PPHLN1: variants seen among roughly 807,000 people sequenced by gnomAD.
PPHLN1 encodes periphilin 1.
In PPHLN1, 29 loss-of-function variants were observed where a neutral mutation model predicts 51.3. The ratio of observed to expected loss-of-function variants is 0.57; its 90% confidence interval spans 0.42 to 0.77. PPHLN1 has a LOEUF of 0.77. PPHLN1 is among the 30% of genes least tolerant of loss of function. The pLI is 0.00. For missense variants in PPHLN1, 436 were observed against 438.4 expected, an observed-to-expected ratio of 0.99 and a Z score of 0.05; for synonymous variants, 147 against 147.8, an observed-to-expected ratio of 0.99 and a Z score of 0.04.
At chr12:42,383,128 T>C (rs544289359) in intron 5 of PPHLN1, among the ~76,000 whole-genome samples, 12 of 152,346 alleles carry the variant, frequency 7.9e-5, no homozygotes, top group African/African-American at 2.9e-4. Context: ...AATCTGTAAT[T>C]ATATGTGGTA....
intron 9 of PPHLN1, chr12:42,432,420 C>T: frequency 4.0e-6 from 3 of 756,138 alleles, no homozygotes. Context: ...TCTTTAGTGC[C>T]AACAAATACA....
Position 42,352,110 on chromosome 12 carries a change from T to G in PPHLN1, c.237+61T>G, listed in dbSNP as rs867669948. 13 of 1,331,552 alleles carry G rather than the reference T, an allele frequency of 9.8e-6. No homozygotes were observed. The Middle Eastern group carries it at 2.2e-3, about 222-fold the overall frequency. 82.5% of individuals were successfully genotyped at this position (1,331,552 alleles called of 1,614,324 possible). ...CTTATAAGTTTAAAATTAATGTAAT[T>G]TAAAAATTTATGTGACGGCCGTGAA... On this transcript the variant is annotated intron_variant, in intron 3 of 9. Coordinates refer to ENST00000358314, the MANE Select transcript of PPHLN1 (RefSeq NM_201439.2).
chr12:42,333,718 G>A (rs1022541327), intron 1 of PPHLN1, among the ~76,000 whole-genome samples: 7 of 152,076 alleles, frequency 4.6e-5, no homozygotes, highest in African/African-American at 1.7e-4. Flanking sequence ...TCCTGACCTC[G>A]TGATCCGCCC....
intron 3 of PPHLN1, 80 bp downstream of exon 3, chr12:42,352,129 C>T (rs2073441769): frequency 8.0e-7 from 1 of 1,253,726 alleles, no homozygotes; most frequent in Non-Finnish European, 1.0e-6. Flanking sequence ...TATGTGACGG[C>T]CGTGAAAGCA....
chr12:42,332,949 AAC>A (rs1185084539), intron 1 of PPHLN1, among the ~76,000 whole-genome samples: 1 of 152,174 alleles, frequency 6.6e-6, no homozygotes. Flanking sequence ...GAACTTTAAA[AAC>A]AGTTACATAC....
downstream of PPHLN1, chr12:42,446,266 T>G: frequency 6.2e-7 from 1 of 1,601,700 alleles, no homozygotes. Flanking sequence ...CTATGCTCTC[T>G]GTTGTACATT....
intron 7 of PPHLN1, among the ~76,000 whole-genome samples, chr12:42,388,928 C>T (rs1230603605): frequency 6.6e-6 from 1 of 151,912 alleles, no homozygotes. Flanking sequence ...GGTGACAGAG[C>T]AAGATGCTGT....
Position 42,405,221 on chromosome 12 carries a change from C to T in PPHLN1, c.909+6227C>T, listed in dbSNP as rs552573756. ...TCCTTTTCCTAAAGCATAAGTTGTT[C>T]TCATACTTTCCCCTTCATCTGTCAT... On this transcript the variant is annotated intron_variant, in intron 9 of 9. Transcript: ENST00000358314. 1.8e-4 allele frequency among the ~76,000 whole-genome samples: 27 copies of T among 152,256 alleles called. No homozygotes were observed. The South Asian group carries it at 3.7e-3, about 21-fold the overall frequency.
intron 9 of PPHLN1, among the ~76,000 whole-genome samples, chr12:42,408,826 T>C (rs2079546953): frequency 6.6e-6 from 1 of 152,226 alleles, no homozygotes; most frequent in African/African-American, 2.4e-5. Context: ...GTTAAGTAAC[T>C]GATAAGTCAC....
intron 4 of PPHLN1, 39 bp downstream of exon 4, chr12:42,355,261 T>TTA (rs2073900260): frequency 1.3e-6 from 2 of 1,536,868 alleles, no homozygotes. Context: ...ACTTTGATAC[T>TTA]TGACTCACTG....
At chr12:42,366,535 T>G (rs537312019) in intron 4 of PPHLN1, among the ~76,000 whole-genome samples, 13 of 151,826 alleles carry the variant, frequency 8.6e-5, no homozygotes, top group East Asian at 7.8e-4. Context: ...TTTCTTGTTT[T>G]TTTTTGTTTT....
At chr12:42,334,160 T>A (rs1181239224) in intron 1 of PPHLN1, among the ~76,000 whole-genome samples, 1 of 152,172 alleles carries the variant, frequency 6.6e-6, no homozygotes, top group Non-Finnish European at 1.5e-5. Flanking sequence ...ACAATTTACT[T>A]CCCTTTCAAG....
Position 42,374,985 on chromosome 12 carries a change from C to T in PPHLN1, c.422C>T (p.Pro141Leu), listed in dbSNP as rs2138771967. 1.9e-6 allele frequency: 3 copies of T among 1,613,942 alleles called. No individual in the cohort carries two copies. Among genetic ancestry groups the T allele is most frequent in the Admixed American group, 1.7e-5 (1 of 60,012 alleles). ...RESPVGRKDS[P>L]HSRSGSSVSS... ...TCACCTGTTGGCCGAAAGGATTCTC[C>T]ACACAGCAGATCTGGTTCCAGTGTC... The change falls in exon 5 of 10, where the codon CCA becomes CTA. Residue 141 changes from proline (P) to leucine (L), a missense_variant. By Grantham distance (98) the Pro-to-Leu change is moderately conservative (BLOSUM62 -3). Coordinates refer to ENST00000358314, the MANE Select transcript of PPHLN1 (RefSeq NM_201439.2).
At chr12:42,377,301 CTTTT>C (rs11297368) in intron 5 of PPHLN1, among the ~76,000 whole-genome samples, 9 of 104,984 alleles carry the variant, frequency 8.6e-5, no homozygotes, top group Admixed American at 1.1e-4. Flanking sequence ...TTTTTTCTTT[CTTTT>C]TTTTTTTTTT....
chr12:42,397,971 C>T lies in PPHLN1; in HGVS notation c.769-883C>T, dbSNP rs118013094. On this transcript the variant is annotated intron_variant, in intron 8 of 9. Coordinates refer to ENST00000358314, the MANE Select transcript of PPHLN1 (RefSeq NM_201439.2). ...TCTCTTGACCTCGTGATCCGCCTGCCTCGGGTTTTTTTTTTTTTGGTAGAT... is the reference window on the plus strand; with the variant it reads ...TCTCTTGACCTCGTGATCCGCCTGCTTCGGGTTTTTTTTTTTTTGGTAGAT... 7.5e-3 allele frequency among the ~76,000 whole-genome samples: 1,126 copies of T among 149,422 alleles called. 36 individuals are homozygous for T. In the East Asian group the frequency reaches 0.11, roughly 14 times the overall value.
intron 4 of PPHLN1, among the ~76,000 whole-genome samples, chr12:42,356,483 G>T (rs2074061331): frequency 6.6e-6 from 1 of 152,178 alleles, no homozygotes; most frequent in Non-Finnish European, 1.5e-5. Flanking sequence ...TAGTCACATT[G>T]TGGTCACCTT....
chr12:42,441,291 A>G (rs745598183), intron 9 of PPHLN1, 24 bp from the exon 10 acceptor site: 19 of 1,582,674 alleles, frequency 1.2e-5, no homozygotes, highest in Non-Finnish European at 1.6e-5. Flanking sequence ...TTCTCAGCTA[A>G]CCAGAATGTG....
chr12:42,386,494 T>TC (rs2077202072), intron 6 of PPHLN1, among the ~76,000 whole-genome samples: 1 of 152,230 alleles, frequency 6.6e-6, no homozygotes, highest in South Asian at 2.1e-4. Flanking sequence ...AAGCTGGCTT[T>TC]GCCTCAGTTT....
chr12:42,328,341 A>T (rs1403445374), intron 1 of PPHLN1, among the ~76,000 whole-genome samples: 1 of 152,192 alleles, frequency 6.6e-6, no homozygotes, highest in African/African-American at 2.4e-5. Flanking sequence ...AGAAGTTTGG[A>T]TTTATTATGG....
Sources: gnomAD v4.1 joint callset for allele counts (sites outside exome capture counted in the v4.1 genomes callset) on GRCh38, gnomAD v4.1.1 for gene constraint, MANE v1.5 for transcripts, NCBI Gene and HGNC (gene_info 2026-07-23, HGNC 2026-07-21) for gene names.